Variants in MITF observed in about 807,000 individuals in gnomAD.
MITF encodes the protein melanocyte inducing transcription factor, also known as microphthalmia-associated transcription factor.
Under a neutral mutation model 60.5 loss-of-function variants are expected in MITF, and 17 were observed. The ratio of observed to expected loss-of-function variants is 0.28; its 90% CI spans 0.19 to 0.42. The LOEUF is 0.42. MITF is among the 10% of genes least tolerant of loss of function. MITF has a pLI of 1.00. For synonymous variants in MITF, 260 were observed against 248.5 expected (o/e 1.05, Z -0.43); for missense variants, 622 against 683.5 (o/e 0.91, Z 1.00).
intron 2 of MITF, among the ~76,000 whole-genome samples, chr3:69,926,434 A>G (rs143958934): frequency 6.6e-6 from 1 of 152,268 alleles, no homozygotes; most frequent in East Asian, 1.9e-4. Context: ...CAATGTTTTC[A>G]TCTCTGACAA....
chr3:69,805,392 G>A (rs1211917302), intron 1 of MITF, among the ~76,000 whole-genome samples: 1 of 152,050 alleles, frequency 6.6e-6, no homozygotes, highest in Non-Finnish European at 1.5e-5. Context: ...TTCCTTGGGT[G>A]GAGCAAAAAA....
intron 2 of MITF, among the ~76,000 whole-genome samples, chr3:69,886,611 C>G (rs769094220): frequency 1.3e-5 from 2 of 152,078 alleles, no homozygotes; most frequent in African/African-American, 2.4e-5. Flanking sequence ...AGGAGTCTCA[C>G]AGGCTTAACA....
Position 69,965,846 on chromosome 3 carries a change from G to A in MITF, c.*598G>A, listed in dbSNP as rs1417153025. 12 of 229,648 alleles carry A rather than the reference G, an allele frequency of 5.2e-5. No homozygotes were observed. Among genetic ancestry groups the A allele is most frequent in the East Asian group, 1.2e-4 (2 of 16,028 alleles). 14.2% of individuals were successfully genotyped at this position (229,648 alleles called of 1,614,324 possible). A position where few individuals can be genotyped will look rare whatever the true frequency, so the allele number is the denominator to read the frequency against. On this transcript the variant is annotated 3_prime_UTR_variant, in exon 10 of 10. Transcript: ENST00000352241. ...AAAATGCGGCCTTTTCATGAGGATC[G>A]TCTGGTTAGAAAACATAACTGATAC...
rs1474815448 is a variant in MITF, at chr3:69,917,494, CA to C, written c.355-20324del. On this transcript the variant is annotated intron_variant, in intron 2 of 9. Coordinates refer to ENST00000352241, the MANE Select transcript of MITF (RefSeq NM_001354604.2). Reference sequence around the variant, plus strand: ...TGGTGCTGAAGAGGAATTAGTGTAGCAAAATCAGAAGGCTTGGGGAAAAGCA... The same window carrying C: ...TGGTGCTGAAGAGGAATTAGTGTAGCAAATCAGAAGGCTTGGGGAAAAGCA... 3.3e-5 allele frequency among the ~76,000 whole-genome samples: 5 copies of C among 149,846 alleles called. No individual in the cohort carries two copies. In the East Asian group the frequency reaches 1.0e-3, roughly 30 times the overall value.
intron 1 of MITF, among the ~76,000 whole-genome samples, chr3:69,851,261 A>G (rs185735298): frequency 2.6e-5 from 4 of 152,318 alleles, no homozygotes; most frequent in Non-Finnish European, 4.4e-5. Flanking sequence ...TACTTTTCCT[A>G]TAGGTTTCTT....
At position 69,914,655 on chromosome 3, in the gene MITF, C is replaced by T. The variant is rs558315150; in HGVS notation, c.355-23167C>T. On this transcript the variant is annotated intron_variant, in intron 2 of 9. Transcript: ENST00000352241. ...GCACTGGGCTGATGTCATCATTGTG[C>T]GGTGTTGGATGAGTAAGTACTCGAG... 3.0e-4 allele frequency among the ~76,000 whole-genome samples: 46 copies of T among 152,116 alleles called. 1 individual carries two copies. The highest frequency in any genetic ancestry group is 6.8e-3 in the Middle Eastern group (2 of 294).
intron 1 of MITF, among the ~76,000 whole-genome samples, chr3:69,837,665 G>A (rs62252228): frequency 0.15 from 23,321 of 152,160 alleles, 2,085 homozygotes; most frequent in Non-Finnish European, 0.21. Context: ...TCTGAATGTC[G>A]AAGGATTTTT....
chr3:69,785,386 G>A (rs2106892144), intron 1 of MITF, among the ~76,000 whole-genome samples: 1 of 152,256 alleles, frequency 6.6e-6, no homozygotes, highest in Middle Eastern at 3.4e-3. Flanking sequence ...ATTTAAATCA[G>A]AACAATCCCA....
At chr3:69,785,446 G>A (rs1174822729) in intron 1 of MITF, among the ~76,000 whole-genome samples, 1 of 152,170 alleles carries the variant, frequency 6.6e-6, no homozygotes, top group East Asian at 1.9e-4. Context: ...TCATCTGCAG[G>A]TCACATGACC....
intron 1 of MITF, among the ~76,000 whole-genome samples, chr3:69,777,822 A>T (rs948729013): frequency 1.3e-5 from 2 of 152,170 alleles, no homozygotes; most frequent in African/African-American, 4.8e-5. Flanking sequence ...CAAGTTCAGT[A>T]TCACTGGGGC....
chr3:69,782,717 A>G (rs1230606275), intron 1 of MITF, among the ~76,000 whole-genome samples: 1 of 152,142 alleles, frequency 6.6e-6, no homozygotes, highest in East Asian at 1.9e-4. Context: ...TTCTCTACCT[A>G]TACTTATTTC....
At chr3:69,798,249 A>G (rs2062862203) in intron 1 of MITF, among the ~76,000 whole-genome samples, 1 of 152,238 alleles carries the variant, frequency 6.6e-6, no homozygotes, top group Non-Finnish European at 1.5e-5. Context: ...TATTATTTTT[A>G]TAGTGAGGAA....
intron 7 of MITF, among the ~76,000 whole-genome samples, chr3:69,953,266 A>G (rs936142340): frequency 2.6e-5 from 4 of 152,188 alleles, no homozygotes; most frequent in African/African-American, 2.4e-5. Context: ...GGCATTATCC[A>G]AAACTACTTA....
At chr3:69,804,055 T>A (rs2062966173) in intron 1 of MITF, among the ~76,000 whole-genome samples, 1 of 152,176 alleles carries the variant, frequency 6.6e-6, no homozygotes, top group Non-Finnish European at 1.5e-5. Flanking sequence ...CAAAACACAG[T>A]TTCCTTGGTC....
intron 2 of MITF, among the ~76,000 whole-genome samples, chr3:69,885,381 G>A (rs1023004291): frequency 6.6e-6 from 1 of 152,020 alleles, no homozygotes; most frequent in African/African-American, 2.4e-5. Context: ...TACTGCCAGA[G>A]GTGAAGGCAG....
At chr3:69,776,153 A>G (rs1348458391) in intron 1 of MITF, among the ~76,000 whole-genome samples, 12 of 152,242 alleles carry the variant, frequency 7.9e-5, no homozygotes, top group Non-Finnish European at 1.5e-5. Context: ...GCTACTTTAT[A>G]TTCACCAATG....
chr3:69,795,351 A>T (rs534551496), intron 1 of MITF, among the ~76,000 whole-genome samples: 1 of 152,262 alleles, frequency 6.6e-6, no homozygotes, highest in Non-Finnish European at 1.5e-5. Context: ...TTTAAAAAAC[A>T]TATAGAAAAT....
intron 1 of MITF, among the ~76,000 whole-genome samples, chr3:69,829,671 TG>T (rs2063413121): frequency 1.1e-5 from 1 of 89,758 alleles, no homozygotes; most frequent in East Asian, 2.2e-4. Context: ...AAGGTGTGGA[TG>T]CACACACACA....
chr3:69,936,844 T>C, intron 2 of MITF: 1 of 1,205,288 alleles, frequency 8.3e-7, no homozygotes, highest in Non-Finnish European at 1.2e-6. Flanking sequence ...ATAGACATAC[T>C]GTTTTCAATA....
Sources: allele counts gnomAD v4.1 joint callset (sites outside exome capture counted in the v4.1 genomes callset), GRCh38; gene constraint gnomAD v4.1.1; transcripts MANE v1.5; gene names NCBI Gene and HGNC (gene_info 2026-07-23, HGNC 2026-07-21).